The following CIMAP1D variants were observed in gnomAD, a reference collection of about 807,000 sequenced individuals.
The protein encoded by CIMAP1D is protein CIMAP1D.
chr19:468,822 CCGTGG>C, the CIMAP1D span, among the ~76,000 whole-genome samples: 3 of 44,634 alleles, frequency 6.7e-5, no homozygotes, highest in Admixed American at 7.2e-4. Flanking sequence ...CCTGAGGAGT[CCGTGG>C]CACGCAGTGT....
the CIMAP1D span, among the ~76,000 whole-genome samples, chr19:479,645 C>T: frequency 2.0e-5 from 3 of 151,174 alleles, no homozygotes; most frequent in South Asian, 2.2e-4. Flanking sequence ...CCTCGTGATC[C>T]GCCTGCCTCG....
At chr19:477,586 C>T in the CIMAP1D span, among the ~76,000 whole-genome samples, 1 of 143,958 alleles carries the variant, frequency 6.9e-6, no homozygotes, top group Non-Finnish European at 1.5e-5. Context: ...GACTCCACGT[C>T]AAAATCAAAA....
chr19:475,191 A>C, the CIMAP1D span, among the ~76,000 whole-genome samples: 7 of 152,192 alleles, frequency 4.6e-5, no homozygotes, highest in South Asian at 1.4e-3. Flanking sequence ...ACTGAGGCAC[A>C]GCCCAAGGTC....
chr19:488,229 A>G, the CIMAP1D span, among the ~76,000 whole-genome samples: 13 of 150,918 alleles, frequency 8.6e-5, no homozygotes, highest in African/African-American at 2.9e-4. Context: ...TACTAAAAAT[A>G]CAAAAAAAAA....
At chr19:490,071 C>T in the CIMAP1D span, 20 of 398,398 alleles carry the variant, frequency 5.0e-5, no homozygotes, top group Middle Eastern at 6.3e-4. Flanking sequence ...AAACATAAAA[C>T]AAGGCCGGGC....
chr19:484,580 G>A, the CIMAP1D span, among the ~76,000 whole-genome samples: 9 of 152,238 alleles, frequency 5.9e-5, no homozygotes, highest in South Asian at 2.1e-4. Context: ...GAGGTGAAAC[G>A]TTAGCAAAGG....
the CIMAP1D span, among the ~76,000 whole-genome samples, chr19:488,879 ACGCAAGGGCAGCCGGGGCGCCCCG>A: frequency 8.6e-5 from 13 of 151,050 alleles, no homozygotes; most frequent in Admixed American, 8.6e-4. Context: ...GCCGGGCCCC[ACGCAAGGGCAGCCGGGGCGCCCCG>A]CAGTGGGAAC....
chr19:471,740 C>CTT, the CIMAP1D span, among the ~76,000 whole-genome samples: 1 of 140,502 alleles, frequency 7.1e-6, no homozygotes. Context: ...CTATTGTTAA[C>CTT]TTTTTTTTTT....
chr19:478,858 C>A, the CIMAP1D span, among the ~76,000 whole-genome samples: 1 of 152,214 alleles, frequency 6.6e-6, no homozygotes, highest in Admixed American at 6.5e-5. Context: ...TTGTTCTCAC[C>A]GTAATTAGGA....
the CIMAP1D span, among the ~76,000 whole-genome samples, chr19:480,890 A>G: frequency 7.0e-6 from 1 of 142,056 alleles, no homozygotes. Context: ...ATGGAGAACG[A>G]TGATGGAGAA....
chr19:466,405 C>T, the CIMAP1D span, among the ~76,000 whole-genome samples: 319 of 79,266 alleles, frequency 4.0e-3, no homozygotes, highest in African/African-American at 0.016. Context: ...TGGGTGGATA[C>T]AAGGTTAGGT....
At chr19:481,974 C>G in the CIMAP1D span, among the ~76,000 whole-genome samples, 4 of 151,880 alleles carry the variant, frequency 2.6e-5, no homozygotes, top group African/African-American at 9.7e-5. Flanking sequence ...TGGGATCTTG[C>G]TATGTTGCCC....
At chr19:478,807 G>A in the CIMAP1D span, among the ~76,000 whole-genome samples, 1 of 152,270 alleles carries the variant, frequency 6.6e-6, no homozygotes, top group Non-Finnish European at 1.5e-5. Flanking sequence ...CGGCCTGGGT[G>A]TCCTGGGTGG....
the CIMAP1D span, among the ~76,000 whole-genome samples, chr19:471,744 T>A: frequency 6.7e-6 from 1 of 149,694 alleles, no homozygotes; most frequent in Non-Finnish European, 1.5e-5. Flanking sequence ...TGTTAACTTT[T>A]TTTTTTTTTC....
the CIMAP1D span, among the ~76,000 whole-genome samples, chr19:478,995 G>A: frequency 6.6e-6 from 1 of 152,244 alleles, no homozygotes; most frequent in African/African-American, 2.4e-5. Flanking sequence ...TGAAACTTAC[G>A]TGAGTGCAGA....
chr19:474,853 G>A, the CIMAP1D span: 8 of 961,168 alleles, frequency 8.3e-6, no homozygotes, highest in South Asian at 1.9e-4. Flanking sequence ...CACCTTCACG[G>A]CCTCACCACA....
At chr19:487,667 G>A in the CIMAP1D span, among the ~76,000 whole-genome samples, 2 of 152,206 alleles carry the variant, frequency 1.3e-5, no homozygotes, top group Non-Finnish European at 2.9e-5. Flanking sequence ...GAGACCCTGT[G>A]TCAAAATAAT....
chr19:478,505 C>T, the CIMAP1D span, among the ~76,000 whole-genome samples: 580 of 152,372 alleles, frequency 3.8e-3, 5 homozygotes, highest in African/African-American at 0.013. Flanking sequence ...CTCGCCAGAA[C>T]GAGCTGGGGC....
the CIMAP1D span, among the ~76,000 whole-genome samples, chr19:468,320 C>T: frequency 3.3e-5 from 5 of 151,892 alleles, no homozygotes; most frequent in East Asian, 3.9e-4. Flanking sequence ...GAGCTGTGAT[C>T]GCGCCACTGC....
Sources: gnomAD v4.1 joint callset for allele counts (sites outside exome capture counted in the v4.1 genomes callset) on GRCh38, gnomAD v4.1.1 for gene constraint, MANE v1.5 for transcripts, NCBI Gene and HGNC (gene_info 2026-07-23, HGNC 2026-07-21) for gene names.